ME2: variants seen among roughly 807,000 people sequenced by gnomAD.
ME2 encodes NAD-dependent malic enzyme, mitochondrial.
In ME2, 60 loss-of-function variants were observed where a neutral mutation model predicts 73.7. The observed-to-expected ratio is 0.81, with a 90% CI of 0.66 to 1.01. The LOEUF (loss-of-function observed/expected upper bound fraction) is 1.01. Ranked by LOEUF, ME2 falls within the 50% of genes least tolerant of loss-of-function variation. The pLI is 0.00. For synonymous variants in ME2, 199 were observed against 236.9 expected (o/e 0.84, Z 1.47); for missense variants, 594 against 705.5 (o/e 0.84, Z 1.79).
chr18:50,924,003 T>A (rs1331759119), intron 10 of ME2, 95 bp from the exon 11 acceptor site: 6 of 716,638 alleles, frequency 8.4e-6, no homozygotes, highest in Non-Finnish European at 1.4e-5. Context: ...GACATTTCTA[T>A]TGTAGAAACA....
chr18:50,895,707 A>C (rs1257161412), intron 1 of ME2, 102 bp from the exon 2 acceptor site: 3 of 707,094 alleles, frequency 4.2e-6, no homozygotes, highest in Non-Finnish European at 7.1e-6. Flanking sequence ...AAACTGTTGC[A>C]GCCTGTGGAA....
chr18:50,894,671 C>T (rs1234928232), intron 1 of ME2, among the ~76,000 whole-genome samples: 1 of 151,658 alleles, frequency 6.6e-6, no homozygotes, highest in Non-Finnish European at 1.5e-5. Context: ...GAGATCGAGA[C>T]CATCCTGGAC....
chr18:50,879,596 C>A (rs1468465074), intron 1 of ME2, among the ~76,000 whole-genome samples: 4 of 152,232 alleles, frequency 2.6e-5, no homozygotes, highest in Non-Finnish European at 4.4e-5. Flanking sequence ...CTGGGCGCCC[C>A]GCTCTCGCCC....
At chr18:50,932,571 T>C (rs1917723057) in intron 13 of ME2, 3 of 391,380 alleles carry the variant, frequency 7.7e-6, no homozygotes, top group Non-Finnish European at 1.4e-5. Context: ...GTTTTTATTA[T>C]AGAAATAATA....
chr18:50,910,399 A>G (rs1355788480), intron 3 of ME2, among the ~76,000 whole-genome samples: 1 of 148,032 alleles, frequency 6.8e-6, no homozygotes, highest in Non-Finnish European at 1.5e-5. Flanking sequence ...TGATTGCACC[A>G]CTGCACTCCA....
Position 50,951,469 on chromosome 18 carries a change from GGTTT to G in ME2, c.*4294_*4297del, listed in dbSNP as rs2144287111. On this transcript the variant is annotated 3_prime_UTR_variant, in exon 16 of 16. Coordinates refer to ENST00000321341, the MANE Select transcript of ME2 (RefSeq NM_002396.5). The stretch of plus-strand genomic sequence containing the variant: ...GATAACTTTTTCATACCTTTTTTTT[GGTTT>G]GTTTGTTTCTGCTAGCTTTATGACA... 6.7e-6 allele frequency: 1 copy of G among 149,464 alleles called. No individual in the cohort carries two copies. Among genetic ancestry groups the G allele is most frequent in the South Asian group, 2.1e-4 (1 of 4,698 alleles). 9.3% of individuals were successfully genotyped at this position (149,464 alleles called of 1,614,324 possible).
chr18:50,896,051 T>C (rs932730134), intron 2 of ME2, 123 bp downstream of exon 2: 1 of 657,052 alleles, frequency 1.5e-6, no homozygotes, highest in African/African-American at 1.9e-5. Context: ...GATAGTTGTT[T>C]ACATGAAATT....
rs1450327831 is a variant in ME2, at chr18:50,925,885, A to G, written c.1301A>G (p.Tyr434Cys). 1.9e-6 allele frequency: 3 copies of G among 1,607,136 alleles called. No homozygotes were observed. The highest frequency in any genetic ancestry group is 2.6e-6 in the Non-Finnish European group (3 of 1,173,708). The change falls in exon 12 of 16, where the codon TAT (tyrosine) becomes TGT (cysteine). Residue 434 changes from tyrosine (Y) to cysteine (C), a missense_variant. Physicochemically the swap from Tyr to Cys is radical, Grantham distance 194. Coordinates refer to ENST00000321341, the MANE Select transcript of ME2 (RefSeq NM_002396.5). ...AQAECTAEEA[Y>C]TLTEGRCLFA... The stretch of plus-strand genomic sequence containing the variant: ...GCAGAGTGCACGGCTGAAGAAGCAT[A>G]TACACTTACAGAGGTATTAATAATC...
intron 12 of ME2, among the ~76,000 whole-genome samples, chr18:50,928,117 C>T (rs1309798082): frequency 1.3e-5 from 2 of 151,850 alleles, no homozygotes; most frequent in East Asian, 3.9e-4. Context: ...TGTGCCCCAC[C>T]TAATTTCTTG....
rs117292409 is a variant in ME2, at chr18:50,930,255, G to A, written c.1315-2003G>A. 2.1e-4 allele frequency among the ~76,000 whole-genome samples: 32 copies of A among 152,090 alleles called. No individual in the cohort carries two copies. In the East Asian group the frequency reaches 4.6e-3, roughly 22 times the overall value. On this transcript the variant is annotated intron_variant, in intron 12 of 15. Transcript: ENST00000321341. ...AGCCTGGGCAACAGAATGAGACCCC[G>A]TCTCAAAAATAAATAAATAAAAAGA...
chr18:50,887,136 A>G (rs1189594727), intron 1 of ME2, among the ~76,000 whole-genome samples: 4 of 152,258 alleles, frequency 2.6e-5, no homozygotes, highest in Non-Finnish European at 4.4e-5. Context: ...TAGGTGCTCA[A>G]TAGATGAGTA....
At chr18:50,885,256 T>C (rs1480721934) in intron 1 of ME2, among the ~76,000 whole-genome samples, 2 of 152,230 alleles carry the variant, frequency 1.3e-5, no homozygotes, top group African/African-American at 4.8e-5. Context: ...GTGTGATGGC[T>C]CATGCCTCTA....
At chr18:50,906,218 C>T (rs910795067) in intron 2 of ME2, among the ~76,000 whole-genome samples, 7 of 152,064 alleles carry the variant, frequency 4.6e-5, no homozygotes, top group Admixed American at 4.6e-4. Flanking sequence ...GAAAACTGGA[C>T]ATTTTAAATA....
chr18:50,939,090 CAAAA>C (rs1917880551), intron 13 of ME2: 1 of 102,878 alleles, frequency 9.7e-6, no homozygotes, highest in South Asian at 3.2e-4. Context: ...CAGTGATCTC[CAAAA>C]CAGAAAATGC....
intron 1 of ME2, among the ~76,000 whole-genome samples, chr18:50,886,873 A>G (rs1259448871): frequency 6.6e-6 from 1 of 152,078 alleles, no homozygotes; most frequent in Admixed American, 6.6e-5. Context: ...ATGGTGGTGC[A>G]TGCCTATAGT....
chr18:50,882,398 T>C (rs1916345837), intron 1 of ME2, among the ~76,000 whole-genome samples: 1 of 152,212 alleles, frequency 6.6e-6, no homozygotes, highest in Admixed American at 6.6e-5. Flanking sequence ...AGTCAAGCTC[T>C]TTATAGTGAT....
At chr18:50,894,516 C>T (rs1032357275) in intron 1 of ME2, among the ~76,000 whole-genome samples, 9 of 149,176 alleles carry the variant, frequency 6.0e-5, no homozygotes, top group Non-Finnish European at 1.0e-4. Flanking sequence ...TGCAGTGAGC[C>T]GTGATCGCGC....
At chr18:50,916,088 T>C in intron 4 of ME2, 80 bp from the exon 5 acceptor site, 1 of 955,348 alleles carries the variant, frequency 1.0e-6, no homozygotes, top group South Asian at 1.5e-5. Context: ...TTTATTAAAA[T>C]ATCAAAATAT....
At chr18:50,910,740 A>C (rs1369598374) in intron 3 of ME2, among the ~76,000 whole-genome samples, 1 of 152,170 alleles carries the variant, frequency 6.6e-6, no homozygotes, top group South Asian at 2.1e-4. Context: ...CAGAGAGTTC[A>C]CTATCTCTGG....
Sources: gnomAD v4.1 joint callset for allele counts (sites outside exome capture counted in the v4.1 genomes callset) on GRCh38, gnomAD v4.1.1 for gene constraint, MANE v1.5 for transcripts, NCBI Gene and HGNC (gene_info 2026-07-23, HGNC 2026-07-21) for gene names.